Variants in ATM observed in about 807,000 individuals in gnomAD.
ATM encodes ATM serine/threonine kinase.
ATM carries 308 observed loss-of-function variants against 387.0 expected under a neutral mutation model. That is an observed-to-expected ratio of 0.80 (90% CI 0.73 to 0.87). The LOEUF (loss-of-function observed/expected upper bound fraction) is 0.87, where lower values mean the gene tolerates loss of function less well. Ranked by LOEUF, ATM falls within the 40% of genes least tolerant of loss-of-function variation. The pLI is 0.00. For missense variants in ATM, 3,312 were observed against 3,560.9 expected (o/e 0.93, Z 1.78); for synonymous variants, 1,156 against 1,187.3 (o/e 0.97, Z 0.54).
intron 26 of ATM, among the ~76,000 whole-genome samples, chr11:108,285,590 T>A (rs2082449521): frequency 6.6e-6 from 1 of 152,116 alleles, no homozygotes; most frequent in African/African-American, 2.4e-5. Context: ...TTGGTCAATA[T>A]TAGATAAACT....
At chr11:108,329,349 A>G in intron 49 of ATM, 111 bp downstream of exon 49, 1 of 1,007,504 alleles carries the variant, frequency 9.9e-7, no homozygotes, top group Non-Finnish European at 1.5e-6. Context: ...TTGAGCTCTA[A>G]AGGTCGGCTT....
rs200541844 is a variant in ATM, at chr11:108,271,311, C to T, written c.2982C>T (p.Val994=). The change falls in exon 20 of 63, where the codon GTC becomes GTT. Residue 994 remains valine (V), a synonymous_variant. Coordinates refer to ENST00000675843, the MANE Select transcript of ATM (RefSeq NM_000051.4). ...TTTGTAAAACTATTTTAAACCATGT[C>T]CTTCATGTAGTGAAAAACCTAGGTC... is the stretch of plus-strand genomic sequence containing the variant. The part of the protein sequence containing the change: ...QDVCKTILNH[V]LHVVKNLGQS... 1.2e-6 allele frequency: 2 copies of T among 1,613,514 alleles called. No homozygotes were observed. Among genetic ancestry groups the T allele is most frequent in the East Asian group, 2.2e-5 (1 of 44,828 alleles).
chr11:108,357,094 T>C (rs2090052787), intron 61 of ATM, among the ~76,000 whole-genome samples: 1 of 152,194 alleles, frequency 6.6e-6, no homozygotes, highest in Admixed American at 6.5e-5. Flanking sequence ...GCACGCACTG[T>C]GCGCGAACTG....
intron 16 of ATM, among the ~76,000 whole-genome samples, chr11:108,266,287 T>C: frequency 6.6e-6 from 1 of 151,658 alleles, no homozygotes. Context: ...ATATACACCA[T>C]GGAATACTAT....
At chr11:108,300,839 C>T (rs982657880) in intron 34 of ATM, among the ~76,000 whole-genome samples, 6 of 151,094 alleles carry the variant, frequency 4.0e-5, no homozygotes, top group Admixed American at 2.0e-4. Context: ...TCTAGCCATC[C>T]GTCTATCCTT....
In ATM at chr11:108,366,029, C is replaced by CAA. The variant is rs369583811; in HGVS notation, c.*539_*540dup. The CAA allele has an allele frequency of 3.8e-3, 378 of 100,366 alleles. 3 individuals are homozygous for CAA. In the East Asian group the frequency reaches 0.048, roughly 13 times the overall value. The allele number at this position is 100,366 out of a possible 1,614,324, so 6.2% of individuals were successfully genotyped here. A position where few individuals can be genotyped will look rare whatever the true frequency, so the allele number is the denominator to read the frequency against. On this transcript the variant is annotated 3_prime_UTR_variant, in exon 63 of 63. Coordinates refer to ENST00000675843, the MANE Select transcript of ATM (RefSeq NM_000051.4). ...GGGTGACAAGAGCGAAACTCCATCT[C>CAA]AAAAAAAAAAAAAAAAAAACAGAAA... is the stretch of plus-strand genomic sequence containing the variant.
intron 27 of ATM, 54 bp downstream of exon 27, chr11:108,287,769 A>C: frequency 7.8e-7 from 1 of 1,283,946 alleles, no homozygotes. Context: ...GTTTTTAAAG[A>C]AGTTTATTGG....
In ATM at chr11:108,251,904, A is replaced by G. The variant is rs1060501545; in HGVS notation, c.1675A>G (p.Ile559Val). The change falls in exon 11 of 63, where the codon ATA becomes GTA. Residue 559 changes from isoleucine to valine, a missense_variant. Ile to Val is a conservative substitution (Grantham distance 29). This residue lies in a region of ATM where 1,791 missense variants were observed against 1,804.5 expected (regional missense o/e 0.99). Transcript: ENST00000675843. Reference sequence around the variant, plus strand: ...AGTTCCAGGAACGGTAAAAATGGGAATAGAGCAAAATATGTGTGAAGTAAA... The same window carrying G: ...AGTTCCAGGAACGGTAAAAATGGGAGTAGAGCAAAATATGTGTGAAGTAAA... ...SIVPGTVKMG[I>V]EQNMCEVNRS... 1 of 1,613,878 alleles carries G rather than the reference A, an allele frequency of 6.2e-7. No homozygotes were observed. Among genetic ancestry groups the G allele is most frequent in the Non-Finnish European group, 8.5e-7 (1 of 1,179,880 alleles).
rs758325274 is a variant in ATM at position 108,252,913 on chromosome 11, G to C, written c.1898+1G>C. ...ATTTTTTCCAAAGCGTGCCAGAATGGTATGTTATCTAATAATGCTCTTTAT... is the reference window on the plus strand; with the variant it reads ...ATTTTTTCCAAAGCGTGCCAGAATGCTATGTTATCTAATAATGCTCTTTAT... On this transcript the variant is annotated splice_donor_variant, in intron 12 of 62. Coordinates refer to ENST00000675843, the MANE Select transcript of ATM (RefSeq NM_000051.4). LOFTEE classifies it high-confidence loss of function. 6.2e-7 allele frequency: 1 copy of C among 1,602,480 alleles called. No homozygotes were observed. Among genetic ancestry groups the C allele is most frequent in the Admixed American group, 1.7e-5 (1 of 59,922 alleles).
chr11:108,289,899 T>C (rs2135768906), intron 29 of ATM, 98 bp downstream of exon 29: 1 of 1,204,600 alleles, frequency 8.3e-7, no homozygotes, highest in Middle Eastern at 2.8e-4. Flanking sequence ...AAAGACTCAC[T>C]CTGTCCGCCC....
intron 17 of ATM, among the ~76,000 whole-genome samples, chr11:108,267,716 G>T (rs1020290061): frequency 2.6e-5 from 4 of 152,088 alleles, no homozygotes; most frequent in African/African-American, 9.7e-5. Flanking sequence ...AATTAGATGG[G>T]CGTGGTGGCG....
chr11:108,261,858 C>G (rs1048949293), intron 16 of ATM, among the ~76,000 whole-genome samples: 1 of 151,938 alleles, frequency 6.6e-6, no homozygotes, highest in Non-Finnish European at 1.5e-5. Context: ...GGAGCCGATG[C>G]GATCAACTGG....
chr11:108,284,724 C>G (rs1591647466), intron 26 of ATM, among the ~76,000 whole-genome samples: 1 of 152,086 alleles, frequency 6.6e-6, no homozygotes, highest in East Asian at 1.9e-4. Context: ...TAATTTTCTT[C>G]TGCCATTTAA....
In ATM at chr11:108,266,458, G is replaced by A. The variant is rs183505817; in HGVS notation, c.2467-713G>A. On this transcript the variant is annotated intron_variant, in intron 16 of 62. Transcript: ENST00000675843. ...AATGAGATCACATGGACACAGGAAGGGGAATATCACACTCTGTGGACTGTT... is the reference window on the plus strand; with the variant it reads ...AATGAGATCACATGGACACAGGAAGAGGAATATCACACTCTGTGGACTGTT... 4.2e-3 allele frequency among the ~76,000 whole-genome samples: 598 copies of A among 141,454 alleles called. 3 individuals carry two copies. Among genetic ancestry groups the A allele is most frequent in the Non-Finnish European group, 6.2e-3 (410 of 66,276 alleles). The allele number at this position is 141,454 out of a possible 152,430, so 92.8% of individuals were successfully genotyped here. A position where few individuals can be genotyped will look rare whatever the true frequency, so the allele number is the denominator to read the frequency against.
intron 32 of ATM, 144 bp downstream of exon 32, chr11:108,295,203 T>TAA: frequency 9.2e-7 from 1 of 1,085,234 alleles, no homozygotes; most frequent in Non-Finnish European, 1.4e-6. Flanking sequence ...CATCTAACTG[T>TAA]AAAACTGGTC....
intron 1 of ATM, chr11:108,224,641 C>T (rs377100711): frequency 1.1e-4 from 16 of 152,246 alleles, no homozygotes; most frequent in African/African-American, 3.9e-4. Context: ...AGTGTTGGTC[C>T]TCTAGCCCTT....
At chr11:108,355,017 C>T in intron 61 of ATM, 143 bp downstream of exon 61, 2 of 714,922 alleles carry the variant, frequency 2.8e-6, no homozygotes, top group East Asian at 2.6e-5. Flanking sequence ...GGAGATTGTG[C>T]ACTTAGCCTT....
chr11:108,364,698 C>A (rs1415923134), intron 61 of ATM, among the ~76,000 whole-genome samples: 2 of 152,154 alleles, frequency 1.3e-5, no homozygotes, highest in African/African-American at 4.8e-5. Context: ...GTTCCCACAT[C>A]CCAATCTATA....
At chr11:108,267,371 C>CT (rs2081316525) in intron 17 of ATM, 29 bp downstream of exon 17, 1 of 1,604,242 alleles carries the variant, frequency 6.2e-7, no homozygotes, top group Non-Finnish European at 8.5e-7. Context: ...CTTGGGATTT[C>CT]TTTTACTTCT....
Sources: gnomAD v4.1 joint callset for allele counts (sites outside exome capture counted in the v4.1 genomes callset) on GRCh38, gnomAD v4.1.1 for gene constraint, gnomAD v4.1.1 regional missense constraint, MANE v1.5 for transcripts, NCBI Gene and HGNC (gene_info 2026-07-23, HGNC 2026-07-21) for gene names.